ZNF592: variants seen among roughly 807,000 people sequenced by gnomAD.
ZNF592 encodes the protein zinc finger protein 592, also known as spinocerebellar ataxia, autosomal recessive 5.
ZNF592 carries 11 observed loss-of-function variants against 80.3 expected under a neutral mutation model. That is an observed-to-expected ratio of 0.14 (90% CI 0.09 to 0.23). The LOEUF is 0.23. Ranked by LOEUF, ZNF592 falls within the 10% of genes least tolerant of loss-of-function variation. The pLI is 1.00. For synonymous variants in ZNF592, 646 were observed against 640.3 expected (o/e 1.01, Z -0.13); for missense variants, 1,420 against 1,633.9 (o/e 0.87, Z 2.26).
intron 4 of ZNF592, among the ~76,000 whole-genome samples, chr15:84,789,008 C>G (rs901192309): frequency 1.3e-5 from 2 of 150,650 alleles, no homozygotes; most frequent in African/African-American, 2.4e-5. Flanking sequence ...GTCACGAGTT[C>G]GAGACCAGCC....
intron 2 of ZNF592, among the ~76,000 whole-genome samples, chr15:84,770,789 C>A (rs1450040450): frequency 2.0e-5 from 3 of 152,064 alleles, no homozygotes; most frequent in Admixed American, 2.0e-4. Context: ...TAAGTCATTC[C>A]CCATGTTACT....
At position 84,775,974 on chromosome 15, in the gene ZNF592, A is replaced by G. The variant is rs144970786; in HGVS notation, c.-149-2209A>G. On this transcript the variant is annotated intron_variant, in intron 2 of 10. Transcript: ENST00000560079. Reference sequence around the variant, plus strand: ...ATTCTGAGAGAGGGTATAGTTGTCAATCTGCCAGTCTTAGAGTTGTTCTTT... The same window carrying G: ...ATTCTGAGAGAGGGTATAGTTGTCAGTCTGCCAGTCTTAGAGTTGTTCTTT... 4.0e-3 allele frequency among the ~76,000 whole-genome samples: 617 copies of G among 152,356 alleles called. 4 individuals are homozygous for G. Among genetic ancestry groups the G allele is most frequent in the African/African-American group, 0.014 (589 of 41,578 alleles).
At chr15:84,766,818 G>A (rs150010898) in intron 2 of ZNF592, among the ~76,000 whole-genome samples, 1 of 151,898 alleles carries the variant, frequency 6.6e-6, no homozygotes, top group South Asian at 2.1e-4. Context: ...GTAAACTCCT[G>A]TGGTGATCTA....
intron 2 of ZNF592, among the ~76,000 whole-genome samples, chr15:84,773,455 C>A (rs1424865228): frequency 6.6e-6 from 1 of 152,052 alleles, no homozygotes; most frequent in Admixed American, 6.5e-5. Context: ...TCGTGATCCA[C>A]CCGCCTCGAC....
intron 2 of ZNF592, among the ~76,000 whole-genome samples, chr15:84,767,427 A>G (rs1899562153): frequency 6.6e-6 from 1 of 152,112 alleles, no homozygotes; most frequent in South Asian, 2.1e-4. Flanking sequence ...CCCCACTACC[A>G]AGAGATGATG....
In ZNF592 at chr15:84,781,440, T is replaced by A. The variant is rs572552113; in HGVS notation, c.-19-1217T>A. ...CATTTAAATTATTTTTGTGTGTATG[T>A]CTCCCTTTTGTGCTTTTTAAATAAT... On this transcript the variant is annotated intron_variant, in intron 3 of 10. Transcript: ENST00000560079. Among the ~76,000 whole-genome samples the A allele has an allele frequency of 3.9e-5, 6 of 152,222 alleles. No individual in the cohort carries two copies. In the East Asian group the frequency reaches 1.2e-3, roughly 29 times the overall value.
At position 84,802,401 on chromosome 15, in the gene ZNF592, CTT is replaced by C; in HGVS notation, c.*10_*11del. Reference sequence around the variant, plus strand: ...CTGTCCCCTCAGGTGTGACCGGAGACTTTGCAGTGTGCATGGTCAGGGGTGGT... The same window carrying C: ...CTGTCCCCTCAGGTGTGACCGGAGACTGCAGTGTGCATGGTCAGGGGTGGT... On this transcript the variant is annotated 3_prime_UTR_variant, in exon 11 of 11. Transcript: ENST00000560079. 1.2e-6 allele frequency: 2 copies of C among 1,613,288 alleles called. No homozygotes were observed. The highest frequency in any genetic ancestry group is 1.7e-6 in the Non-Finnish European group (2 of 1,179,982).
rs1963179910 is a variant in ZNF592 at position 84,804,108 on chromosome 15, ACT to A, written c.*1719_*1720del. ...GAAAGGTTGCCTCACTTTCAGAGAG[ACT>A]CTCGCTGTCTGCACCCTTTTAATAA... On this transcript the variant is annotated 3_prime_UTR_variant, in exon 11 of 11. Transcript: ENST00000560079. 6.6e-6 allele frequency: 1 copy of A among 152,090 alleles called. No homozygotes were observed. Among genetic ancestry groups the A allele is most frequent in the Non-Finnish European group, 1.5e-5 (1 of 68,014 alleles). The allele number at this position is 152,090 out of a possible 1,614,324, so 9.4% of individuals were successfully genotyped here. A position where few individuals can be genotyped will look rare whatever the true frequency, so the allele number is the denominator to read the frequency against.
At chr15:84,753,081 A>G (rs533046823) in intron 1 of ZNF592, 2 of 152,354 alleles carry the variant, frequency 1.3e-5, no homozygotes, top group South Asian at 2.1e-4. Context: ...ACTATTTAGT[A>G]TAGTCAACAA....
At chr15:84,749,575 G>A (rs1419004222) in intron 1 of ZNF592, among the ~76,000 whole-genome samples, 1 of 152,224 alleles carries the variant, frequency 6.6e-6, no homozygotes, top group African/African-American at 2.4e-5. Context: ...TCTAGAATAG[G>A]ACTGGCAGTA....
chr15:84,789,071 A>C (rs1962666960), intron 4 of ZNF592, among the ~76,000 whole-genome samples: 2 of 151,846 alleles, frequency 1.3e-5, no homozygotes, highest in South Asian at 4.2e-4. Context: ...AACAAAAAAA[A>C]CAAAACAGAA....
chr15:84,768,284 C>T (rs1248052610), intron 2 of ZNF592, among the ~76,000 whole-genome samples: 1 of 141,288 alleles, frequency 7.1e-6, no homozygotes, highest in African/African-American at 2.7e-5. Flanking sequence ...AGGCTGGAGA[C>T]TGGAGTGCAG....
intron 5 of ZNF592, among the ~76,000 whole-genome samples, chr15:84,794,660 A>G (rs771561664): frequency 1.3e-5 from 2 of 152,104 alleles, no homozygotes; most frequent in Non-Finnish European, 2.9e-5. Context: ...TATTTTTAGT[A>G]GAGACGGGGT....
intron 1 of ZNF592, among the ~76,000 whole-genome samples, chr15:84,755,908 G>T (rs1434964638): frequency 2.6e-5 from 4 of 152,220 alleles, no homozygotes; most frequent in Non-Finnish European, 5.9e-5. Flanking sequence ...ATTCAGAGAG[G>T]CAGGGCTGCA....
chr15:84,772,355 T>A (rs1057115638), intron 2 of ZNF592, among the ~76,000 whole-genome samples: 1 of 152,068 alleles, frequency 6.6e-6, no homozygotes, highest in Non-Finnish European at 1.5e-5. Context: ...CTGCTTCCAT[T>A]CCTGGTATAA....
chr15:84,766,871 C>T (rs868516704), intron 2 of ZNF592, among the ~76,000 whole-genome samples: 5 of 152,078 alleles, frequency 3.3e-5, no homozygotes, highest in Admixed American at 6.6e-5. Context: ...GCATGCTCCT[C>T]GTGTCCCTCC....
Position 84,784,612 on chromosome 15 carries a change from T to C in ZNF592, c.1937T>C (p.Met646Thr). ...ARDHKSKGLVMQCSQLLVKPI... is the reference protein window; with the variant it reads ...ARDHKSKGLVTQCSQLLVKPI... ...GACCACAAGAGCAAGGGGCTCGTCA[T>C]GCAGTGTTCCCAGCTGCTGGTGAAG... Residue 646 changes from methionine to threonine, a missense_variant, in exon 4 of 11, where the codon ATG becomes ACG. By Grantham distance (81) the Met-to-Thr change is moderately conservative (BLOSUM62 -1). Coordinates refer to ENST00000560079, the MANE Select transcript of ZNF592 (RefSeq NM_014630.3). This position sits in a 1 kb window ranked among gnomAD's most constrained non-coding sequence, Gnocchi z 5.8. The C allele has an allele frequency of 6.2e-7, 1 of 1,614,174 alleles. No individual in the cohort carries two copies. The highest frequency in any genetic ancestry group is 8.5e-7 in the Non-Finnish European group (1 of 1,180,030).
rs372898907 is a variant in ZNF592 at position 84,782,793 on chromosome 15, C to A, written c.118C>A (p.Pro40Thr). ...IQTPSEENES[P>T]LKPPGICMDE... Reference sequence around the variant, plus strand: ...GACACCCAGTGAGGAGAATGAGAGTCCCCTCAAACCTCCAGGCATATGTAT... The same window carrying A: ...GACACCCAGTGAGGAGAATGAGAGTACCCTCAAACCTCCAGGCATATGTAT... Residue 40 changes from proline (P) to threonine (T), a missense_variant, in exon 4 of 11, where the codon CCC (proline) becomes ACC (threonine). By Grantham distance (38) the Pro-to-Thr change is conservative (BLOSUM62 -1). This residue lies in a region of ZNF592 where 373 missense variants were observed against 355.5 expected (regional missense o/e 1.05). Transcript: ENST00000560079. The A allele has an allele frequency of 3.1e-6, 5 of 1,614,020 alleles. No individual in the cohort carries two copies. In the African/African-American group the frequency reaches 6.7e-5, roughly 22 times the overall value.
At chr15:84,793,916 G>C (rs191580507) in intron 5 of ZNF592, among the ~76,000 whole-genome samples, 19 of 152,256 alleles carry the variant, frequency 1.2e-4, no homozygotes, top group Middle Eastern at 6.8e-3. Context: ...CTTTGGGTTG[G>C]TTTCCCCTTT....
Sources: gnomAD v4.1 joint callset for allele counts (sites outside exome capture counted in the v4.1 genomes callset) on GRCh38, gnomAD v4.1.1 for gene constraint, gnomAD v4.1.1 regional missense constraint, Gnocchi (gnomAD v3.1) non-coding constraint, MANE v1.5 for transcripts, NCBI Gene and HGNC (gene_info 2026-07-23, HGNC 2026-07-21) for gene names.